PIN4: variants seen among roughly 807,000 people sequenced by gnomAD.
The protein encoded by PIN4 is peptidylprolyl cis/trans isomerase, NIMA-interacting 4.
A neutral mutation model predicts 8.3 loss-of-function variants in PIN4; 3 were observed. That is an observed-to-expected ratio of 0.36 (90% CI 0.16 to 0.93). The LOEUF (loss-of-function observed/expected upper bound fraction) is 0.93. Among genes scored for constraint, PIN4 ranks in the 40% least tolerant of loss-of-function variants. PIN4 has a pLI of 0.44. For synonymous variants in PIN4, 18 were observed against 32.5 expected, an observed-to-expected ratio of 0.55 and a Z score of 1.52; for missense variants, 75 against 100.6, an observed-to-expected ratio of 0.75 and a Z score of 1.09.
At chrX:72,235,389 C>CTTTT (rs144267277) in intron 3 of PIN4, among the ~76,000 whole-genome samples, 6 of 68,538 alleles carry the variant, frequency 8.8e-5, no homozygotes, top group Admixed American at 3.6e-4. Flanking sequence ...CCCTCTTCCA[C>CTTTT]TTTTTTTTTT....
intron 3 of PIN4, among the ~76,000 whole-genome samples, chrX:72,223,179 A>T (rs1403114823): frequency 1.0e-5 from 1 of 99,914 alleles, no homozygotes. Flanking sequence ...TACTAAAAAT[A>T]CAAAAAAAAA....
At position 72,239,117 on chromosome X, in the gene PIN4, C is replaced by T. The variant is rs991868625; in HGVS notation, c.313-23590C>T. The T allele has an allele frequency of 2.5e-4, 103 of 408,689 alleles. 1 individual carries two copies. The East Asian group carries it at 4.0e-3, about 16-fold the overall frequency. 33.7% of individuals were successfully genotyped at this position (408,689 alleles called of 1,213,427 possible). ...ACGCGCTGCGACGCCTCCGCCTGAG[C>T]CCCGCCCATGACGGTGGGCGCCTGC... is the stretch of plus-strand genomic sequence containing the variant. On this transcript the variant is annotated intron_variant, in intron 3 of 3. Coordinates refer to the PIN4 transcript ENST00000423432.
intron 2 of PIN4, among the ~76,000 whole-genome samples, chrX:72,189,907 G>C (rs2042723121): frequency 9.0e-6 from 1 of 110,737 alleles, no homozygotes; most frequent in Non-Finnish European, 1.9e-5. Flanking sequence ...TGGCCTTTTA[G>C]GGTTCAGCTC....
Position 72,205,802 on chromosome X carries a change from T to C in PIN4, c.312+8898T>C, listed in dbSNP as rs201618175. The stretch of plus-strand genomic sequence containing the variant: ...GTTTTGCTATGCACAAACCCTGCTC[T>C]GGAATTAGGTGCAGAGCCACACAAG... On this transcript the variant is annotated intron_variant, in intron 3 of 3. Transcript: ENST00000423432. 20 of 1,210,606 alleles carry C rather than the reference T, an allele frequency of 1.7e-5. No individual in the cohort carries two copies. The highest frequency in any genetic ancestry group is 2.3e-4 in the Middle Eastern group (1 of 4,375).
chrX:72,197,262 A>T (rs1453819934), intron 3 of PIN4, 106 bp from the exon 4 acceptor site: 15 of 697,511 alleles, frequency 2.2e-5, no homozygotes, highest in Non-Finnish European at 3.2e-5. Context: ...GCTCTTAGGA[A>T]TATACCTCGT....
At chrX:72,233,173 T>C (rs1315209778) in intron 3 of PIN4, among the ~76,000 whole-genome samples, 1 of 111,730 alleles carries the variant, frequency 9.0e-6, no homozygotes, top group African/African-American at 3.3e-5. Flanking sequence ...CTTCCTGATA[T>C]GACACAATAT....
At chrX:72,193,742 G>A (rs2042748520) in intron 2 of PIN4, among the ~76,000 whole-genome samples, 1 of 109,677 alleles carries the variant, frequency 9.1e-6, no homozygotes, top group Non-Finnish European at 1.9e-5. Flanking sequence ...GTGGTGACAC[G>A]CGCCTGTAAT....
intron 3 of PIN4, chrX:72,205,434 C>T (rs2042812222): frequency 8.3e-7 from 1 of 1,211,756 alleles, no homozygotes; most frequent in Non-Finnish European, 1.1e-6. Flanking sequence ...CAAGTCTTTC[C>T]TCCATGTCCT....
chrX:72,217,953 T>G (rs1484244984), intron 3 of PIN4, among the ~76,000 whole-genome samples: 1 of 111,919 alleles, frequency 8.9e-6, no homozygotes, highest in Non-Finnish European at 1.9e-5. Context: ...TCTAACTTTG[T>G]TCCTTTAAAA....
rs2042705317 is a variant in PIN4, at chrX:72,186,653, C to A, written c.117+119C>A. 8 of 505,977 alleles carry A rather than the reference C, an allele frequency of 1.6e-5. No individual in the cohort carries two copies. In the South Asian group the frequency reaches 2.5e-4, roughly 16 times the overall value. The allele number at this position is 505,977 out of a possible 1,213,427, so 41.7% of individuals were successfully genotyped here. On this transcript the variant is annotated intron_variant, in intron 2 of 3. Transcript: ENST00000373669. Reference sequence around the variant, plus strand: ...GGCTAGCCTAACACTGGTATAAAATCAAAATAACACAAAATTGTAGCTGGG... The same window carrying A: ...GGCTAGCCTAACACTGGTATAAAATAAAAATAACACAAAATTGTAGCTGGG...
intron 3 of PIN4, chrX:72,239,178 C>T (rs1028503624): frequency 5.5e-6 from 2 of 363,003 alleles, no homozygotes; most frequent in Admixed American, 4.4e-5. Context: ...GTGATCTCTG[C>T]CTTCGAGACA....
chrX:72,205,016 AATTGTT>A lies in PIN4; in HGVS notation c.312+8116_312+8121del, dbSNP rs757223648. On this transcript the variant is annotated intron_variant, in intron 3 of 3. Coordinates refer to the PIN4 transcript ENST00000423432. ...AATACAATAAACAGGTTACATTCTC[AATTGTT>A]ATTAAGTTGCTTATACAAACTTAAA... The A allele has an allele frequency of 3.4e-6, 4 of 1,179,017 alleles. No individual in the cohort carries two copies. In the South Asian group the frequency reaches 7.6e-5, roughly 22 times the overall value.
At chrX:72,240,178 T>A (rs935376798) in intron 3 of PIN4, among the ~76,000 whole-genome samples, 2 of 110,059 alleles carry the variant, frequency 1.8e-5, no homozygotes, top group Admixed American at 9.7e-5. Flanking sequence ...AAAAATAATT[T>A]AAAAAAAAAG....
intron 3 of PIN4, among the ~76,000 whole-genome samples, chrX:72,250,735 G>GGTT (rs1216915499): frequency 3.3e-5 from 3 of 90,432 alleles, no homozygotes; most frequent in Middle Eastern, 4.7e-3. Context: ...TCTGGTATAT[G>GGTT]GTTTTTTTTT....
chrX:72,212,012 T>C (rs1282403841), intron 3 of PIN4, among the ~76,000 whole-genome samples: 1 of 111,331 alleles, frequency 9.0e-6, no homozygotes, highest in Non-Finnish European at 1.9e-5. Flanking sequence ...TGGTGGCTCA[T>C]GCCTGTAATC....
At chrX:72,212,170 G>A (rs199878514) in intron 3 of PIN4, among the ~76,000 whole-genome samples, 1 of 109,979 alleles carries the variant, frequency 9.1e-6, no homozygotes, top group African/African-American at 3.3e-5. Context: ...CCAGCTACTC[G>A]GGAGGCTGAG....
At chrX:72,206,879 T>C (rs967229543) in intron 3 of PIN4, 2 of 1,211,782 alleles carry the variant, frequency 1.7e-6, no homozygotes, top group Non-Finnish European at 2.2e-6. Flanking sequence ...AGATCCTCGA[T>C]TGTAAAGAGC....
chrX:72,215,492 T>TA (rs1163013288), intron 3 of PIN4, among the ~76,000 whole-genome samples: 3 of 111,732 alleles, frequency 2.7e-5, no homozygotes, highest in African/African-American at 9.8e-5. Context: ...AAATGTATCC[T>TA]AAAAAAAGAA....
upstream of PIN4, chrX:72,181,748 A>T (rs758115612): frequency 8.4e-7 from 1 of 1,188,617 alleles, no homozygotes; most frequent in Non-Finnish European, 1.1e-6. Context: ...CTTGTACGGC[A>T]ACTGGAGCGG....
Sources: gnomAD v4.1 joint callset for allele counts (sites outside exome capture counted in the v4.1 genomes callset) on GRCh38, gnomAD v4.1.1 for gene constraint, MANE v1.5 for transcripts, NCBI Gene and HGNC (gene_info 2026-07-23, HGNC 2026-07-21) for gene names.